Variants in IGF2R observed in about 807,000 individuals in gnomAD.
The protein encoded by IGF2R is insulin like growth factor 2 receptor, also known as cation-independent mannose-6-phosphate receptor.
In IGF2R, 91 loss-of-function variants were observed where a neutral mutation model predicts 270.6. That is an observed-to-expected ratio of 0.34 (90% confidence interval 0.28 to 0.40). The LOEUF (loss-of-function observed/expected upper bound fraction) is 0.40, where lower values mean the gene tolerates loss of function less well. IGF2R is among the 10% of genes least tolerant of loss of function. IGF2R has a pLI of 1.00. For missense variants in IGF2R, 2,805 were observed against 3,188.3 expected, an observed-to-expected ratio of 0.88 and a Z score of 2.90; for synonymous variants, 1,316 against 1,258.9, an observed-to-expected ratio of 1.05 and a Z score of -0.96.
In IGF2R at chr6:159,969,289, C is replaced by CCCGCCCG. The variant is rs1783569729; in HGVS notation, c.52_58dup (p.Gln20ProfsTer40). The CCCGCCCG allele has an allele frequency of 8.3e-7, 1 of 1,202,614 alleles. No individual in the cohort carries two copies. The highest frequency in any genetic ancestry group is 1.0e-6 in the Non-Finnish European group (1 of 969,188). 74.5% of individuals were successfully genotyped at this position (1,202,614 alleles called of 1,614,324 possible). A position where few individuals can be genotyped will look rare whatever the true frequency, so the allele number is the denominator to read the frequency against. ...CCGGAGCCCCCACCTGGGGCCCGCG[C>CCCGCCCG]CCGCCCGCCGCCCGCAGCGCTCTCT... is the stretch of plus-strand genomic sequence containing the variant. On this transcript the variant is annotated frameshift_variant, in exon 1 of 48. Transcript: ENST00000356956. LOFTEE classifies it high-confidence loss of function.
At chr6:160,046,468 C>A (rs927140581) in intron 14 of IGF2R, 30 bp from the exon 15 acceptor site, 1 of 1,592,176 alleles carries the variant, frequency 6.3e-7, no homozygotes, top group Non-Finnish European at 8.5e-7. Context: ...ACTGACCTTC[C>A]ATACTTTTAT....
At chr6:160,079,940 G>A (rs1050049270) in intron 38 of IGF2R, among the ~76,000 whole-genome samples, 153 bp downstream of exon 38, 2 of 152,176 alleles carry the variant, frequency 1.3e-5, no homozygotes, top group African/African-American at 2.4e-5. Flanking sequence ...GTACACCCCC[G>A]GTGTGAATGC....
rs1235541756 is a variant in IGF2R, at chr6:159,969,090, C to A, written c.-157C>A. 2 of 262,820 alleles carry A rather than the reference C, an allele frequency of 7.6e-6. No homozygotes were observed. The highest frequency in any genetic ancestry group is 6.5e-5 in the Admixed American group (1 of 15,362). The allele number at this position is 262,820 out of a possible 1,614,324, so 16.3% of individuals were successfully genotyped here. A position where few individuals can be genotyped will look rare whatever the true frequency, so the allele number is the denominator to read the frequency against. ...GTTCCGGGGCCGCCGCTGCCGCTGT[C>A]GCTGTCGCCGAGCCCAGTCGAGCCG... On this transcript the variant is annotated 5_prime_UTR_variant, in exon 1 of 48. Transcript: ENST00000356956.
At chr6:159,999,673 A>G (rs3798195) in intron 2 of IGF2R, among the ~76,000 whole-genome samples, 29,762 of 152,196 alleles carry the variant, frequency 0.2, 3,609 homozygotes, top group East Asian at 0.58. Flanking sequence ...AAGAGCTAGC[A>G]TAGAAATAGA....
intron 23 of IGF2R, 69 bp downstream of exon 23, chr6:160,060,786 G>A: frequency 7.0e-7 from 1 of 1,426,068 alleles, no homozygotes; most frequent in South Asian, 1.2e-5. Flanking sequence ...GGATATGAAG[G>A]TGTGTTTCTG....
Position 159,991,326 on chromosome 6 carries a change from A to G in IGF2R, c.289+3A>G. 6.2e-7 allele frequency: 1 copy of G among 1,606,178 alleles called. No homozygotes were observed. The highest frequency in any genetic ancestry group is 8.5e-7 in the Non-Finnish European group (1 of 1,176,876). ...GACACGCACTTATCATTCAGTGGGT[A>G]AGTAGAACTACCTGAAATTACTGGA... On this transcript the variant is annotated splice_donor_region_variant and intron_variant, in intron 2 of 47. Coordinates refer to ENST00000356956, the MANE Select transcript of IGF2R (RefSeq NM_000876.4).
At chr6:160,013,847 T>G (rs1019714689) in intron 4 of IGF2R, among the ~76,000 whole-genome samples, 1 of 152,234 alleles carries the variant, frequency 6.6e-6, no homozygotes, top group Admixed American at 6.5e-5. Context: ...ATGCCCTTTT[T>G]TCTGCTTTCA....
At chr6:160,082,117 C>CCT (rs1562372139) in intron 39 of IGF2R, among the ~76,000 whole-genome samples, 1 of 152,166 alleles carries the variant, frequency 6.6e-6, no homozygotes, top group African/African-American at 2.4e-5. Flanking sequence ...TCAGCAGGTC[C>CCT]CTCCGTTCAT....
chr6:159,983,015 A>G (rs547929069), intron 1 of IGF2R, among the ~76,000 whole-genome samples: 41 of 152,356 alleles, frequency 2.7e-4, no homozygotes, highest in African/African-American at 9.1e-4. Flanking sequence ...TAAGATACCA[A>G]TGTCAGTTTA....
chr6:160,104,693 CAG>C lies in IGF2R; in HGVS notation c.7087_7088del (p.Asp2363Ter). The C allele has an allele frequency of 1.2e-6, 2 of 1,613,370 alleles. No individual in the cohort carries two copies. Among genetic ancestry groups the C allele is most frequent in the Non-Finnish European group, 1.7e-6 (2 of 1,179,640 alleles). ...TGGCAGGTGAATAAGGAAGAAGAGACAGATGAGAATGAAACAGAGTGGCTGAT... is the reference window on the plus strand; with the variant it reads ...TGGCAGGTGAATAAGGAAGAAGAGACATGAGAATGAAACAGAGTGGCTGAT... On this transcript the variant is annotated frameshift_variant, in exon 48 of 48. Transcript: ENST00000356956. LOFTEE classifies it low-confidence loss of function (END_TRUNC).
Position 159,980,214 on chromosome 6 carries a change from A to G in IGF2R, c.149+10819A>G, listed in dbSNP as rs201816813. On this transcript the variant is annotated intron_variant, in intron 1 of 47. Coordinates refer to ENST00000356956, the MANE Select transcript of IGF2R (RefSeq NM_000876.4). ...AAGAAAGAAAGAAAGAAAGAAAGAAAGAAAGAAAGAAAGAAAGAAAGAAAG... is the reference window on the plus strand; with the variant it reads ...AAGAAAGAAAGAAAGAAAGAAAGAAGGAAAGAAAGAAAGAAAGAAAGAAAG... Among the ~76,000 whole-genome samples, 99 of 138,414 alleles carry G rather than the reference A, an allele frequency of 7.2e-4. 1 individual carries two copies. Among genetic ancestry groups the G allele is most frequent in the African/African-American group, 2.5e-3 (90 of 36,562 alleles). 90.8% of individuals were successfully genotyped at this position (138,414 alleles called of 152,430 possible).
chr6:160,036,193 A>G (rs1777820070), intron 10 of IGF2R, among the ~76,000 whole-genome samples: 1 of 152,164 alleles, frequency 6.6e-6, no homozygotes, highest in Admixed American at 6.5e-5. Flanking sequence ...CGTGAATGAG[A>G]AAATCAGTGT....
chr6:160,011,679 T>C (rs986991262), intron 4 of IGF2R, among the ~76,000 whole-genome samples: 10 of 152,048 alleles, frequency 6.6e-5, no homozygotes, highest in Non-Finnish European at 1.2e-4. Flanking sequence ...TCATTCTTGT[T>C]GACTAATGGA....
chr6:160,089,203 C>T lies in IGF2R; in HGVS notation c.6417C>T (p.Ile2139=), dbSNP rs1378724419. The T allele has an allele frequency of 1.2e-6, 2 of 1,613,580 alleles. No homozygotes were observed. Among genetic ancestry groups the T allele is most frequent in the East Asian group, 2.2e-5 (1 of 44,858 alleles). Reference sequence around the variant, plus strand: ...AGGTGCAGATGGTGAATGGGACCATCACCAACCCTATAAATGGCAAGAGCT... The same window carrying T: ...AGGTGCAGATGGTGAATGGGACCATTACCAACCCTATAAATGGCAAGAGCT... ...PQEVQMVNGT[I]TNPINGKSFS... The change falls in exon 43 of 48, where the codon ATC becomes ATT. Residue 2139 remains isoleucine (I), a synonymous_variant. Coordinates refer to ENST00000356956, the MANE Select transcript of IGF2R (RefSeq NM_000876.4).
intron 44 of IGF2R, chr6:160,093,732 A>G (rs1410818596): frequency 2.6e-6 from 2 of 758,468 alleles, no homozygotes; most frequent in South Asian, 1.3e-5. Flanking sequence ...GAACCACTCA[A>G]CAGCCGAAGC....
intron 39 of IGF2R, among the ~76,000 whole-genome samples, chr6:160,081,566 G>A (rs1778982882): frequency 1.3e-5 from 2 of 152,228 alleles, no homozygotes; most frequent in African/African-American, 4.8e-5. Flanking sequence ...GAATTCGCCA[G>A]GCTGGAATTT....
chr6:159,978,100 T>A (rs1017858693), intron 1 of IGF2R, among the ~76,000 whole-genome samples: 3 of 152,160 alleles, frequency 2.0e-5, no homozygotes, highest in Non-Finnish European at 4.4e-5. Flanking sequence ...TCCATTAGTG[T>A]CTTGGGGTTT....
In IGF2R at chr6:160,050,354, A is replaced by T; in HGVS notation, c.2515-119A>T. 1.0e-6 allele frequency: 1 copy of T among 1,000,630 alleles called. No homozygotes were observed. The highest frequency in any genetic ancestry group is 1.5e-6 in the Non-Finnish European group (1 of 670,246). The allele number at this position is 1,000,630 out of a possible 1,614,324, so 62.0% of individuals were successfully genotyped here. On this transcript the variant is annotated intron_variant, in intron 18 of 47. Coordinates refer to ENST00000356956, the MANE Select transcript of IGF2R (RefSeq NM_000876.4). The surrounding 1 kb of genome is among the most constrained non-coding windows in gnomAD (Gnocchi z 4.0). ...GTAATAAGGGGATTTCCCCAGGAGCAGTGGTTCTGTATTCAATAATTCATT... is the reference window on the plus strand; with the variant it reads ...GTAATAAGGGGATTTCCCCAGGAGCTGTGGTTCTGTATTCAATAATTCATT...
chr6:160,104,654 C>T lies in IGF2R; in HGVS notation c.7066-20C>T, dbSNP rs1201570893. 1.2e-6 allele frequency: 2 copies of T among 1,601,420 alleles called. No individual in the cohort carries two copies. The highest frequency in any genetic ancestry group is 8.5e-7 in the Non-Finnish European group (1 of 1,173,542). Reference sequence around the variant, plus strand: ...GTCTCTTAGGGGGCTCACGTGGTCTCTGCTGTTGATCCCTGGCAGGTGAAT... The same window carrying T: ...GTCTCTTAGGGGGCTCACGTGGTCTTTGCTGTTGATCCCTGGCAGGTGAAT... On this transcript the variant is annotated intron_variant, in intron 47 of 47. Coordinates refer to ENST00000356956, the MANE Select transcript of IGF2R (RefSeq NM_000876.4).
Sources: allele counts gnomAD v4.1 joint callset (sites outside exome capture counted in the v4.1 genomes callset), GRCh38; gene constraint gnomAD v4.1.1; non-coding constraint Gnocchi (gnomAD v3.1); transcripts MANE v1.5; gene names NCBI Gene and HGNC (gene_info 2026-07-23, HGNC 2026-07-21).